The following DYRK2 variants were observed in gnomAD, a reference collection of about 807,000 sequenced individuals.
The protein encoded by DYRK2 is dual specificity tyrosine phosphorylation regulated kinase 2.
In DYRK2, 12 loss-of-function variants were observed where a neutral mutation model predicts 41.6. The observed-to-expected ratio is 0.29, with a 90% CI of 0.18 to 0.47. The LOEUF is 0.47. Ranked by LOEUF, DYRK2 falls within the 20% of genes least tolerant of loss-of-function variation. DYRK2 has a pLI of 1.00. For missense variants in DYRK2, 678 were observed against 798.4 expected (o/e 0.85, Z 1.82); for synonymous variants, 322 against 315.7 (o/e 1.02, Z -0.21).
chr12:67,658,620 C>A lies in DYRK2; in HGVS notation c.1713C>A (p.Ser571Arg). The change falls in exon 3 of 3, where the codon AGC becomes AGA. Residue 571 changes from serine (S) to arginine (R), a missense_variant. By Grantham distance (110) the Ser-to-Arg change is moderately radical (BLOSUM62 -1). This residue lies in a region of DYRK2 where 393 missense variants were observed against 519.1 expected (regional missense o/e 0.76). Coordinates refer to ENST00000344096, the MANE Select transcript of DYRK2 (RefSeq NM_006482.3). The surrounding 1 kb of genome is among the most constrained non-coding windows in gnomAD (Gnocchi z 4.3). ...TSISKLPPPS[S>R]SASKLRTNLA... ...TATCCAAGTTACCTCCACCTTCTAG[C>A]TCAGCTTCCAAACTGAGGACTAATT... is the stretch of plus-strand genomic sequence containing the variant. The A allele has an allele frequency of 6.2e-7, 1 of 1,614,170 alleles. No homozygotes were observed. The highest frequency in any genetic ancestry group is 8.5e-7 in the Non-Finnish European group (1 of 1,180,026).
Position 67,662,179 on chromosome 12 carries a change from A to C in DYRK2, c.*3466A>C, listed in dbSNP as rs982357590. The C allele has an allele frequency of 1.2e-5, 2 of 166,942 alleles. No homozygotes were observed. Among genetic ancestry groups the C allele is most frequent in the African/African-American group, 4.8e-5 (2 of 41,440 alleles). 10.3% of individuals were successfully genotyped at this position (166,942 alleles called of 1,614,324 possible). A position where few individuals can be genotyped will look rare whatever the true frequency, so the allele number is the denominator to read the frequency against. Reference sequence around the variant, plus strand: ...TGGTAAGCAGAAGACTTTTTAAAAAAACTGATCTGGTCTCGGTAAAGGTTT... The same window carrying C: ...TGGTAAGCAGAAGACTTTTTAAAAACACTGATCTGGTCTCGGTAAAGGTTT... On this transcript the variant is annotated 3_prime_UTR_variant, in exon 3 of 3. Coordinates refer to ENST00000344096, the MANE Select transcript of DYRK2 (RefSeq NM_006482.3).
At chr12:67,652,894 A>C (rs1489646583) in intron 2 of DYRK2, among the ~76,000 whole-genome samples, 1 of 152,172 alleles carries the variant, frequency 6.6e-6, no homozygotes, top group African/African-American at 2.4e-5. Context: ...CAGTGGCTCC[A>C]TCTCGGCTCA....
Position 67,658,414 on chromosome 12 carries a change from T to C in DYRK2, c.1507T>C (p.Cys503Arg). 1 of 1,593,546 alleles carries C rather than the reference T, an allele frequency of 6.3e-7. No homozygotes were observed. The highest frequency in any genetic ancestry group is 8.5e-7 in the Non-Finnish European group (1 of 1,170,738). The change falls in exon 3 of 3, where the codon TGT becomes CGT. Residue 503 changes from cysteine (C) to arginine (R), a missense_variant. Transcript: ENST00000344096. This position sits in a 1 kb window ranked among gnomAD's most constrained non-coding sequence, Gnocchi z 4.3. The part of the protein sequence containing the change: ...SREWGNALKG[C>R]DDPLFLDFLK... ...AGAGTGGGGGAACGCGCTGAAGGGG[T>C]GTGATGATCCCCTTTTCCTTGACTT...
rs1280428375 is a variant in DYRK2, at chr12:67,660,627, ATATGT to A, written c.*1917_*1921del. 1.8e-5 allele frequency: 3 copies of A among 166,910 alleles called. No homozygotes were observed. Among genetic ancestry groups the A allele is most frequent in the African/African-American group, 7.2e-5 (3 of 41,444 alleles). The allele number at this position is 166,910 out of a possible 1,614,324, so 10.3% of individuals were successfully genotyped here. A position where few individuals can be genotyped will look rare whatever the true frequency, so the allele number is the denominator to read the frequency against. ...CTGTGTAATCTGTGGAAGTGCAATA[ATATGT>A]TAGTAAGTTACATTTTAAATAATGC... On this transcript the variant is annotated 3_prime_UTR_variant, in exon 3 of 3. Coordinates refer to ENST00000344096, the MANE Select transcript of DYRK2 (RefSeq NM_006482.3).
chr12:67,654,935 G>A (rs1167377516), intron 2 of DYRK2, among the ~76,000 whole-genome samples: 1 of 152,134 alleles, frequency 6.6e-6, no homozygotes, highest in African/African-American at 2.4e-5. Flanking sequence ...GGGGTTATGG[G>A]AGTAAGAAGC....
Position 67,649,835 on chromosome 12 carries a change from TC to T in DYRK2, c.92del (p.Pro31ArgfsTer44). On this transcript the variant is annotated frameshift_variant, in exon 2 of 3. Coordinates refer to ENST00000344096, the MANE Select transcript of DYRK2 (RefSeq NM_006482.3). LOFTEE classifies it high-confidence loss of function. ...CAGCGCCGTTCGTCAGCTTCAGGCT[TC>T]CCCGGGGCTCGGTGCAGGGGCCACC... ...GDSAVRQLQA[S>X]PGLGAGATRS... is the part of the protein sequence containing the mutation. The T allele has an allele frequency of 7.5e-7, 1 of 1,328,962 alleles. No individual in the cohort carries two copies. 82.3% of individuals were successfully genotyped at this position (1,328,962 alleles called of 1,614,324 possible).
intron 2 of DYRK2, chr12:67,651,550 C>T (rs888754321): frequency 1.8e-5 from 8 of 455,076 alleles, no homozygotes; most frequent in African/African-American, 1.6e-4. Context: ...TCTCAGTACT[C>T]CTCATAATGG....
In DYRK2 at chr12:67,657,748, A is replaced by G. The variant is rs769314299; in HGVS notation, c.841A>G (p.Thr281Ala). 8.7e-6 allele frequency: 14 copies of G among 1,614,122 alleles called. No individual in the cohort carries two copies. In the African/African-American group the frequency reaches 1.5e-4, roughly 17 times the overall value. ...EHLRKQDKDN[T>A]MNVIHMLENF... is the part of the protein sequence containing the mutation. ...CCTGCGGAAGCAGGACAAGGATAAC[A>G]CAATGAATGTCATCCATATGCTGGA... is the stretch of plus-strand genomic sequence containing the variant. The change falls in exon 3 of 3, where the codon ACA (threonine) becomes GCA (alanine). Residue 281 changes from threonine (T) to alanine (A), a missense_variant. Physicochemically the swap from Thr to Ala is moderately conservative, Grantham distance 58. Coordinates refer to ENST00000344096, the MANE Select transcript of DYRK2 (RefSeq NM_006482.3). The surrounding 1 kb of genome is among the most constrained non-coding windows in gnomAD (Gnocchi z 4.8).
rs768498909 is a variant in DYRK2, at chr12:67,657,291, C to T, written c.384C>T (p.Asp128=). The T allele has an allele frequency of 2.5e-6, 4 of 1,613,888 alleles. No individual in the cohort carries two copies. Among genetic ancestry groups the T allele is most frequent in the African/African-American group, 2.7e-5 (2 of 75,006 alleles). The change falls in exon 3 of 3, where the codon GAC becomes GAT. Residue 128 remains aspartate (D), a synonymous_variant. Transcript: ENST00000344096. The surrounding 1 kb of genome is among the most constrained non-coding windows in gnomAD (Gnocchi z 4.8). The part of the protein sequence containing the change: ...GLPVVPERQL[D]SIHRRQGSST... ...CAGTGGTGCCAGAGCGGCAGCTGGA[C>T]AGCATTCATAGACGGCAGGGGAGCT... is the stretch of plus-strand genomic sequence containing the variant.
In DYRK2 at chr12:67,658,020, C is replaced by T; in HGVS notation, c.1113C>T (p.Ser371=). ...RSGIKVIDFG[S]SCYEHQRVYT... ...GTATTAAAGTAATTGATTTTGGCTC[C>T]AGTTGTTACGAGCATCAGCGTGTCT... is the stretch of plus-strand genomic sequence containing the variant. The change falls in exon 3 of 3, where the codon TCC becomes TCT. Residue 371 remains serine (S), a synonymous_variant. Coordinates refer to ENST00000344096, the MANE Select transcript of DYRK2 (RefSeq NM_006482.3). This position sits in a 1 kb window ranked among gnomAD's most constrained non-coding sequence, Gnocchi z 4.3. 6.2e-7 allele frequency: 1 copy of T among 1,614,232 alleles called. No homozygotes were observed. The highest frequency in any genetic ancestry group is 8.5e-7 in the Non-Finnish European group (1 of 1,180,046).
chr12:67,652,996 A>ATTTTTTTTT (rs538431655), intron 2 of DYRK2, among the ~76,000 whole-genome samples: 2 of 151,488 alleles, frequency 1.3e-5, no homozygotes, highest in African/African-American at 4.9e-5. Flanking sequence ...TGCCTGGCTA[A>ATTTTTTTTT]TTTTTGTATT....
intron 2 of DYRK2, among the ~76,000 whole-genome samples, chr12:67,651,862 C>G (rs1483776170): frequency 2.6e-5 from 4 of 152,150 alleles, no homozygotes; most frequent in Non-Finnish European, 5.9e-5. Flanking sequence ...AGAGTGAAAG[C>G]CTACATCCTC....
intron 1 of DYRK2, 54 bp from the exon 2 acceptor site, chr12:67,649,743 G>A (rs1872252399): frequency 7.7e-7 from 1 of 1,302,992 alleles, no homozygotes; most frequent in African/African-American, 1.5e-5. Context: ...GGGGGGTCTG[G>A]GTGACTTTCT....
intron 2 of DYRK2, among the ~76,000 whole-genome samples, chr12:67,656,007 A>ATGAGGTGGAT (rs1306103689): frequency 6.6e-6 from 1 of 152,156 alleles, no homozygotes; most frequent in Non-Finnish European, 1.5e-5. Context: ...AGTTGACTGA[A>ATGAGGTGGAT]TGAGGTGGAT....
chr12:67,652,288 A>G (rs954605852), intron 2 of DYRK2, among the ~76,000 whole-genome samples: 3 of 152,054 alleles, frequency 2.0e-5, no homozygotes, highest in Non-Finnish European at 4.4e-5. Flanking sequence ...CTTACTTCCT[A>G]TTATTTTTCT....
rs553568654 is a variant in DYRK2, at chr12:67,663,924, A to C, written c.*5211A>C. 6.6e-6 allele frequency: 1 copy of C among 152,204 alleles called. No homozygotes were observed. The highest frequency in any genetic ancestry group is 6.5e-5 in the Admixed American group (1 of 15,282). The allele number at this position is 152,204 out of a possible 1,614,324, so 9.4% of individuals were successfully genotyped here. ...GCTCTAGAAAATGTCCCTAGTTGAC[A>C]TTAGTGTTGGTCTGTTAGAAGGGGA... On this transcript the variant is annotated 3_prime_UTR_variant, in exon 3 of 3. Coordinates refer to ENST00000344096, the MANE Select transcript of DYRK2 (RefSeq NM_006482.3).
chr12:67,653,507 A>G (rs1298093048), intron 2 of DYRK2, among the ~76,000 whole-genome samples: 4 of 152,156 alleles, frequency 2.6e-5, no homozygotes, highest in Non-Finnish European at 4.4e-5. Context: ...GTTTGTTGCA[A>G]GTGTTTTATA....
intron 1 of DYRK2, 121 bp downstream of exon 1, chr12:67,649,303 A>C: frequency 1.2e-6 from 1 of 813,710 alleles, no homozygotes; most frequent in Non-Finnish European, 1.6e-6. Context: ...GGCGCGGGGG[A>C]GCCCCCGGGC....
At chr12:67,649,982 G>T in intron 2 of DYRK2, 37 bp downstream of exon 2, 5 of 1,315,532 alleles carry the variant, frequency 3.8e-6, no homozygotes, top group South Asian at 2.2e-5. Flanking sequence ...GGCGGTGGGG[G>T]CGGGAGGGGC....
Sources: gnomAD v4.1 joint callset for allele counts (sites outside exome capture counted in the v4.1 genomes callset) on GRCh38, gnomAD v4.1.1 for gene constraint, gnomAD v4.1.1 regional missense constraint, Gnocchi (gnomAD v3.1) non-coding constraint, MANE v1.5 for transcripts, NCBI Gene and HGNC (gene_info 2026-07-23, HGNC 2026-07-21) for gene names.